The following ZFPM2 variants were observed in gnomAD, a reference collection of about 807,000 sequenced individuals.
The protein encoded by ZFPM2 is zinc finger protein, FOG family member 2.
In ZFPM2, 20 loss-of-function variants were observed where a neutral mutation model predicts 98.6. That is an observed-to-expected ratio of 0.20 (90% confidence interval 0.14 to 0.29). ZFPM2 has a LOEUF of 0.29. ZFPM2 is among the 10% of genes least tolerant of loss of function. The probability of loss-of-function intolerance (pLI) is 1.00; values close to 1 mark genes in which losing one functional copy is unlikely to be tolerated. For synonymous variants in ZFPM2, 518 were observed against 502.7 expected (o/e 1.03, Z -0.41); for missense variants, 1,310 against 1,388.6 (o/e 0.94, Z 0.90).
chr8:105,473,863 A>G (rs1422379202), intron 3 of ZFPM2, among the ~76,000 whole-genome samples: 4 of 152,354 alleles, frequency 2.6e-5, no homozygotes, highest in East Asian at 3.9e-4. Context: ...CAAATAATAT[A>G]TAGCACACAT....
At chr8:105,670,272 G>A (rs1817567198) in intron 5 of ZFPM2, among the ~76,000 whole-genome samples, 3 of 151,864 alleles carry the variant, frequency 2.0e-5, no homozygotes, top group Admixed American at 6.6e-5. Flanking sequence ...CAAGGCGGGC[G>A]GGTCACAAGG....
At chr8:105,635,255 A>G (rs1303919221) in intron 5 of ZFPM2, among the ~76,000 whole-genome samples, 2 of 152,202 alleles carry the variant, frequency 1.3e-5, no homozygotes, top group Non-Finnish European at 2.9e-5. Flanking sequence ...ATAAAAGCAT[A>G]CAAGGGAACA....
intron 5 of ZFPM2, chr8:105,787,700 G>T (rs1363698738): frequency 6.6e-6 from 1 of 151,868 alleles, no homozygotes; most frequent in Non-Finnish European, 1.5e-5. Context: ...GCTGCTTAAT[G>T]AGTGCAATAC....
chr8:105,652,413 G>A (rs1015754837), intron 5 of ZFPM2, among the ~76,000 whole-genome samples: 2 of 150,806 alleles, frequency 1.3e-5, no homozygotes, highest in African/African-American at 2.5e-5. Context: ...ACAACAGTAG[G>A]GTCAACCAAA....
intron 1 of ZFPM2, among the ~76,000 whole-genome samples, chr8:105,379,709 C>A (rs1171671116): frequency 1.3e-5 from 2 of 149,254 alleles, no homozygotes; most frequent in Admixed American, 1.3e-4. Context: ...GCCGAGATCA[C>A]GCCATTGCGC....
At chr8:105,477,729 C>A (rs958250071) in intron 3 of ZFPM2, among the ~76,000 whole-genome samples, 1 of 152,112 alleles carries the variant, frequency 6.6e-6, no homozygotes, top group Non-Finnish European at 1.5e-5. Flanking sequence ...GATAGCCTGA[C>A]AATGTTTCAT....
chr8:105,646,566 C>A (rs577039571), intron 5 of ZFPM2, among the ~76,000 whole-genome samples: 1 of 152,204 alleles, frequency 6.6e-6, no homozygotes, highest in South Asian at 2.1e-4. Context: ...TTTCTCAATA[C>A]TAAAGGCTGC....
chr8:105,527,273 C>T (rs1814194639), intron 3 of ZFPM2, among the ~76,000 whole-genome samples: 1 of 152,134 alleles, frequency 6.6e-6, no homozygotes, highest in African/African-American at 2.4e-5. Flanking sequence ...TTCCTTAAAA[C>T]TCTAAAAGAG....
chr8:105,636,069 A>G (rs776164216), intron 5 of ZFPM2, among the ~76,000 whole-genome samples: 3 of 152,182 alleles, frequency 2.0e-5, no homozygotes, highest in Non-Finnish European at 2.9e-5. Flanking sequence ...AATTTTGTGC[A>G]TGAAACTAAG....
chr8:105,368,470 C>T (rs1810552827), intron 1 of ZFPM2, among the ~76,000 whole-genome samples: 1 of 152,154 alleles, frequency 6.6e-6, no homozygotes, highest in Non-Finnish European at 1.5e-5. Flanking sequence ...AATTAGCTGT[C>T]ATAGGCATTC....
In ZFPM2 at chr8:105,788,895, C is replaced by G. The variant is rs758075371; in HGVS notation, c.710C>G (p.Ala237Gly). Residue 237 changes from alanine to glycine, a missense_variant, in exon 6 of 8, where the codon GCT becomes GGT. Transcript: ENST00000407775. ...CTGCTTCCTCAGCAAGCTGCCATGGCTTCTATTTTGCCCACAGCTATTGTC... is the reference window on the plus strand; with the variant it reads ...CTGCTTCCTCAGCAAGCTGCCATGGGTTCTATTTTGCCCACAGCTATTGTC... ...IQLLPQQAAM[A>G]SILPTAIVNK... 1.2e-6 allele frequency: 2 copies of G among 1,613,754 alleles called. No homozygotes were observed. Among genetic ancestry groups the G allele is most frequent in the Non-Finnish European group, 1.7e-6 (2 of 1,179,816 alleles).
intron 4 of ZFPM2, among the ~76,000 whole-genome samples, chr8:105,568,191 C>T (rs1419482147): frequency 6.6e-6 from 1 of 152,076 alleles, no homozygotes; most frequent in Non-Finnish European, 1.5e-5. Context: ...TTTACCCTTT[C>T]TCTAATAGCA....
At chr8:105,435,411 A>G (rs1234860407) in intron 2 of ZFPM2, among the ~76,000 whole-genome samples, 2 of 152,132 alleles carry the variant, frequency 1.3e-5, no homozygotes, top group African/African-American at 4.8e-5. Context: ...AATACACTGA[A>G]ATTTCTATTT....
At chr8:105,509,623 T>C (rs2130502173) in intron 3 of ZFPM2, among the ~76,000 whole-genome samples, 1 of 152,312 alleles carries the variant, frequency 6.6e-6, no homozygotes, top group South Asian at 2.1e-4. Context: ...TCTTAATAGT[T>C]GAGGAGTCAA....
In ZFPM2 at chr8:105,356,426, G is replaced by A. The variant is rs115350987; in HGVS notation, c.40+37445G>A. 3.9e-3 allele frequency among the ~76,000 whole-genome samples: 598 copies of A among 152,240 alleles called. 3 individuals carry two copies. The highest frequency in any genetic ancestry group is 0.014 in the African/African-American group (564 of 41,540). ...TGGCAATCAATAAAAGTTATACACA[G>A]CTCTATTTGATTCATTACACATAGT... On this transcript the variant is annotated intron_variant, in intron 1 of 7. Coordinates refer to ENST00000407775, the MANE Select transcript of ZFPM2 (RefSeq NM_012082.4).
intron 5 of ZFPM2, among the ~76,000 whole-genome samples, chr8:105,701,898 A>G (rs1256242981): frequency 2.0e-5 from 3 of 152,230 alleles, no homozygotes; most frequent in South Asian, 2.1e-4. Context: ...TGCTTGCACT[A>G]TAGCAGTCTT....
At chr8:105,760,551 T>C (rs1306633150) in intron 5 of ZFPM2, among the ~76,000 whole-genome samples, 1 of 152,042 alleles carries the variant, frequency 6.6e-6, no homozygotes, top group Non-Finnish European at 1.5e-5. Context: ...TCAAAAAAAT[T>C]ATGCAGGAAA....
At chr8:105,629,765 A>G (rs1816722710) in intron 4 of ZFPM2, among the ~76,000 whole-genome samples, 2 of 152,168 alleles carry the variant, frequency 1.3e-5, no homozygotes, top group South Asian at 4.1e-4. Flanking sequence ...CTCAGTTTTT[A>G]GACACCACTA....
intron 3 of ZFPM2, among the ~76,000 whole-genome samples, chr8:105,506,919 C>T (rs554809354): frequency 6.2e-5 from 9 of 144,042 alleles, no homozygotes; most frequent in Admixed American, 2.9e-4. Context: ...ACCCAGGAGG[C>T]GGAGCTTGCA....
Sources: allele counts gnomAD v4.1 joint callset (sites outside exome capture counted in the v4.1 genomes callset), GRCh38; gene constraint gnomAD v4.1.1; transcripts MANE v1.5; gene names NCBI Gene and HGNC (gene_info 2026-07-23, HGNC 2026-07-21).